EZH2: variants seen among roughly 807,000 people sequenced by gnomAD.
The protein encoded by EZH2 is histone-lysine N-methyltransferase EZH2.
EZH2 carries 18 observed loss-of-function variants against 98.4 expected under a neutral mutation model. The observed-to-expected ratio is 0.18, with a 90% CI of 0.13 to 0.27. The LOEUF (loss-of-function observed/expected upper bound fraction) is 0.27, where lower values mean the gene tolerates loss of function less well. EZH2 is among the 10% of genes least tolerant of loss of function. The pLI, the probability that EZH2 is intolerant of heterozygous loss-of-function variation, is 1.00. For synonymous variants in EZH2, 338 were observed against 312.3 expected (o/e 1.08, Z -0.87); for missense variants, 470 against 935.1 (o/e 0.50, Z 6.49).
rs1051056437 is a variant in EZH2, at chr7:148,828,778, C to G, written c.587G>C (p.Arg196Thr). 3 of 1,613,790 alleles carry G rather than the reference C, an allele frequency of 1.9e-6. No individual in the cohort carries two copies. The highest frequency in any genetic ancestry group is 2.5e-6 in the Non-Finnish European group (3 of 1,179,988). ...DDDDGDDPEE[R>T]EEKQKDLEDH... is the part of the protein sequence containing the mutation. ...CTCCAGATCTTTCTGCTTTTCTTCT[C>G]TTTCTTCAGGATCGTCTCCATCATC... is the stretch of plus-strand genomic sequence containing the variant. Residue 196 changes from arginine (R) to threonine (T), a missense_variant, in exon 6 of 20, where the codon AGA becomes ACA. This residue lies in a region of EZH2 where 69 missense variants were observed against 78.3 expected (regional missense o/e 0.88). Coordinates refer to ENST00000320356, the MANE Select transcript of EZH2 (RefSeq NM_004456.5).
intron 1 of EZH2, among the ~76,000 whole-genome samples, chr7:148,859,126 GACT>G (rs1178327555): frequency 6.6e-6 from 1 of 152,192 alleles, no homozygotes; most frequent in Non-Finnish European, 1.5e-5. Context: ...ACAAGCCAGA[GACT>G]ACAATAGAAA....
intron 1 of EZH2, among the ~76,000 whole-genome samples, chr7:148,849,689 C>T (rs1353535142): frequency 3.9e-5 from 6 of 152,154 alleles, no homozygotes; most frequent in Non-Finnish European, 7.3e-5. Context: ...GACCAAAGGA[C>T]ATCAAAGATG....
chr7:148,814,228 C>G (rs1803938806), intron 14 of EZH2, 91 bp from the exon 15 acceptor site: 1 of 1,191,832 alleles, frequency 8.4e-7, no homozygotes, highest in African/African-American at 1.5e-5. Flanking sequence ...GGGCATCTCA[C>G]TGACTCTCAA....
chr7:148,814,257 T>C (rs1803947594), intron 14 of EZH2, 120 bp from the exon 15 acceptor site: 1 of 809,160 alleles, frequency 1.2e-6, no homozygotes, highest in Non-Finnish European at 2.0e-6. Flanking sequence ...ACCACCTTAT[T>C]ACCCTACTAT....
At chr7:148,861,995 T>TGA (rs1284718713) in intron 1 of EZH2, among the ~76,000 whole-genome samples, 4 of 152,162 alleles carry the variant, frequency 2.6e-5, no homozygotes, top group African/African-American at 9.7e-5. Context: ...GGAGAGTGTT[T>TGA]GAATAGCCTT....
At chr7:148,874,476 T>C (rs1819902203) in intron 1 of EZH2, among the ~76,000 whole-genome samples, 1 of 152,072 alleles carries the variant, frequency 6.6e-6, no homozygotes, top group African/African-American at 2.4e-5. Context: ...CCTGGAATGC[T>C]ACCTTCAGGA....
chr7:148,826,414 A>C (rs781014400), intron 8 of EZH2, 40 bp downstream of exon 8: 62 of 1,482,026 alleles, frequency 4.2e-5, no homozygotes, highest in Non-Finnish European at 5.4e-5. Flanking sequence ...AGCTGCTTTA[A>C]AACATAATTC....
At chr7:148,882,591 A>G (rs1821167560) in intron 1 of EZH2, among the ~76,000 whole-genome samples, 1 of 152,248 alleles carries the variant, frequency 6.6e-6, no homozygotes, top group Admixed American at 6.5e-5. Flanking sequence ...GTATTCCTAA[A>G]CATGAATTAG....
intron 16 of EZH2, 55 bp downstream of exon 16, chr7:148,811,570 T>C: frequency 7.2e-7 from 1 of 1,382,556 alleles, no homozygotes; most frequent in Non-Finnish European, 1.0e-6. Context: ...CAATCTAAAA[T>C]AAAGTAAAGT....
chr7:148,850,265 G>A (rs1472922801), intron 1 of EZH2, among the ~76,000 whole-genome samples: 8 of 152,078 alleles, frequency 5.3e-5, no homozygotes, highest in Admixed American at 1.3e-4. Flanking sequence ...TGATCCACCC[G>A]CCTCAGCCTC....
At chr7:148,822,030 AAAC>A (rs1265193544) in intron 8 of EZH2, among the ~76,000 whole-genome samples, 2 of 152,358 alleles carry the variant, frequency 1.3e-5, no homozygotes, top group East Asian at 3.9e-4. Context: ...TCAGTAAATG[AAAC>A]AACTAGGCAA....
At chr7:148,848,142 C>T (rs1347328030) in intron 1 of EZH2, among the ~76,000 whole-genome samples, 1 of 152,210 alleles carries the variant, frequency 6.6e-6, no homozygotes, top group African/African-American at 2.4e-5. Flanking sequence ...GCAGGACATT[C>T]TCTGTCAGGC....
At chr7:148,876,527 G>A (rs1339029753) in intron 1 of EZH2, among the ~76,000 whole-genome samples, 1 of 152,120 alleles carries the variant, frequency 6.6e-6, no homozygotes, top group Admixed American at 6.5e-5. Flanking sequence ...AACTAGAAAT[G>A]TTCATAATCT....
At chr7:148,865,129 A>G (rs1484561722) in intron 1 of EZH2, among the ~76,000 whole-genome samples, 2 of 105,320 alleles carry the variant, frequency 1.9e-5, no homozygotes, top group Admixed American at 1.1e-4. Flanking sequence ...TTGTCTCAAA[A>G]AAAAAAAAAA....
chr7:148,878,484 C>T (rs1820479463), intron 1 of EZH2, among the ~76,000 whole-genome samples: 1 of 152,178 alleles, frequency 6.6e-6, no homozygotes, highest in African/African-American at 2.4e-5. Flanking sequence ...AATCTTTTTA[C>T]TTTTATTTTG....
At chr7:148,863,977 GA>G (rs1331261691) in intron 1 of EZH2, among the ~76,000 whole-genome samples, 11 of 152,192 alleles carry the variant, frequency 7.2e-5, no homozygotes. Context: ...TCGCCTTCAA[GA>G]AGTCTCATGA....
intron 1 of EZH2, among the ~76,000 whole-genome samples, chr7:148,874,520 C>A (rs997519294): frequency 1.3e-5 from 2 of 152,180 alleles, no homozygotes; most frequent in African/African-American, 4.8e-5. Flanking sequence ...CATGAGAAGA[C>A]TGAGGTGGAC....
chr7:148,849,119 A>G (rs990895841), intron 1 of EZH2, among the ~76,000 whole-genome samples: 12 of 152,044 alleles, frequency 7.9e-5, no homozygotes, highest in Non-Finnish European at 4.4e-5. Context: ...TTTTTTCTGA[A>G]TATTTTTTAT....
intron 15 of EZH2, among the ~76,000 whole-genome samples, chr7:148,812,074 T>C (rs1803236696): frequency 6.6e-6 from 1 of 152,190 alleles, no homozygotes; most frequent in African/African-American, 2.4e-5. Context: ...TCAACCTGAA[T>C]TTAATATAAG....
Sources: allele counts gnomAD v4.1 joint callset (sites outside exome capture counted in the v4.1 genomes callset), GRCh38; gene constraint gnomAD v4.1.1; regional missense constraint gnomAD v4.1.1; transcripts MANE v1.5; gene names NCBI Gene and HGNC (gene_info 2026-07-23, HGNC 2026-07-21).